The following GAPVD1 variants were observed in gnomAD, a reference collection of about 807,000 sequenced individuals.
GAPVD1 encodes the protein GTPase activating protein and VPS9 domains 1.
Under a neutral mutation model 155.5 loss-of-function variants are expected in GAPVD1, and 35 were observed. The observed-to-expected ratio is 0.23, with a 90% CI of 0.17 to 0.30. GAPVD1 has a LOEUF of 0.30. Among genes scored for constraint, GAPVD1 ranks in the 10% least tolerant of loss-of-function variants. The pLI is 1.00. For synonymous variants in GAPVD1, 636 were observed against 619.7 expected, an observed-to-expected ratio of 1.03 and a Z score of -0.39; for missense variants, 1,429 against 1,775.7, an observed-to-expected ratio of 0.80 and a Z score of 3.51.
At position 125,312,573 on chromosome 9, in the gene GAPVD1, A is replaced by C; in HGVS notation, c.1563A>C (p.Thr521=). The change falls in exon 9 of 28, where the codon ACA becomes ACC. Residue 521 remains threonine (T), a synonymous_variant. Transcript: ENST00000297933. ...PEEVLVISLG[T]GPQLTPGMMS... Reference sequence around the variant, plus strand: ...AGGTGTTGGTCATTTCCTTAGGTACAGGTCCCCAGCTTACTCCAGGGATGA... The same window carrying C: ...AGGTGTTGGTCATTTCCTTAGGTACCGGTCCCCAGCTTACTCCAGGGATGA... 1.2e-6 allele frequency: 2 copies of C among 1,602,294 alleles called. No homozygotes were observed. Among genetic ancestry groups the C allele is most frequent in the Non-Finnish European group, 1.7e-6 (2 of 1,176,808 alleles).
At chr9:125,269,945 C>T (rs1834619858) in intron 2 of GAPVD1, among the ~76,000 whole-genome samples, 1 of 151,610 alleles carries the variant, frequency 6.6e-6, no homozygotes, top group Non-Finnish European at 1.5e-5. Flanking sequence ...TCTTGAACTC[C>T]TACTCTCAAG....
intron 20 of GAPVD1, 168 bp downstream of exon 20, chr9:125,347,109 T>C (rs1331207125): frequency 1.0e-5 from 7 of 673,948 alleles, no homozygotes; most frequent in Non-Finnish European, 1.3e-5. Flanking sequence ...TTCTCTGGAT[T>C]CTCCCACTAG....
chr9:125,293,658 T>TATATATATAATATAAAAATATATATAA (rs1839013287), intron 2 of GAPVD1, among the ~76,000 whole-genome samples: 3 of 42,068 alleles, frequency 7.1e-5, no homozygotes, highest in African/African-American at 3.4e-4. Flanking sequence ...AATATATATA[T>TATATATATAATATAAAAATATATATAA]TATATATATA....
At chr9:125,348,694 T>C (rs1848879406) in intron 20 of GAPVD1, among the ~76,000 whole-genome samples, 1 of 152,264 alleles carries the variant, frequency 6.6e-6, no homozygotes, top group South Asian at 2.1e-4. Flanking sequence ...GTATTTTTCA[T>C]AGAGACAGGG....
At chr9:125,326,267 C>T (rs1478584147) in intron 11 of GAPVD1, 149 bp from the exon 12 acceptor site, 1 of 577,116 alleles carries the variant, frequency 1.7e-6, no homozygotes, top group Non-Finnish European at 3.1e-6. Context: ...CCTGTAATCC[C>T]AGCACTTTGG....
At position 125,335,492 on chromosome 9, in the gene GAPVD1, A is replaced by G. The variant is rs373882224; in HGVS notation, c.2429-1526A>G. 1.7e-3 allele frequency among the ~76,000 whole-genome samples: 259 copies of G among 152,232 alleles called. 1 individual carries two copies. The highest frequency in any genetic ancestry group is 5.8e-3 in the African/African-American group (242 of 41,540). Reference sequence around the variant, plus strand: ...GGAGATCGAGACCATCCTGGCCAACATGGTGAAACCCCATCTCTACTAAAA... The same window carrying G: ...GGAGATCGAGACCATCCTGGCCAACGTGGTGAAACCCCATCTCTACTAAAA... On this transcript the variant is annotated intron_variant, in intron 15 of 27. Transcript: ENST00000297933.
intron 8 of GAPVD1, among the ~76,000 whole-genome samples, chr9:125,311,724 CTT>C (rs71374251): frequency 4.7e-4 from 68 of 144,794 alleles, no homozygotes; most frequent in Non-Finnish European, 4.7e-4. Flanking sequence ...TTTATTGTTT[CTT>C]TTTTTTTTTT....
intron 17 of GAPVD1, 81 bp downstream of exon 17, chr9:125,337,672 A>G: frequency 7.8e-7 from 1 of 1,280,230 alleles, no homozygotes; most frequent in Non-Finnish European, 1.1e-6. Flanking sequence ...TGGAATATAT[A>G]AATCTAGGAT....
At position 125,307,602 on chromosome 9, in the gene GAPVD1, G is replaced by A. The variant is rs566540280; in HGVS notation, c.1251+55G>A. 8 of 1,574,670 alleles carry A rather than the reference G, an allele frequency of 5.1e-6. No individual in the cohort carries two copies. The African/African-American group carries it at 1.1e-4, about 21-fold the overall frequency. On this transcript the variant is annotated intron_variant, in intron 7 of 27. Coordinates refer to ENST00000297933, the MANE Select transcript of GAPVD1 (RefSeq NM_001282680.3). ...TCGAAAGTCTTTTAGCTAAGCGTGA[G>A]CAAAAACATACATGAGTACATTGTG...
intron 23 of GAPVD1, among the ~76,000 whole-genome samples, chr9:125,351,353 G>A (rs548803812): frequency 6.6e-6 from 1 of 152,188 alleles, no homozygotes; most frequent in South Asian, 2.1e-4. Flanking sequence ...ATATCTTTCT[G>A]CCCCTTGCTT....
At chr9:125,264,106 A>G in intron 1 of GAPVD1, 2 of 748,152 alleles carry the variant, frequency 2.7e-6, no homozygotes, top group Non-Finnish European at 2.4e-6. Context: ...GAACATTTGA[A>G]TCATTGAAGG....
rs376087686 is a variant in GAPVD1, at chr9:125,355,660, C to T, written c.3774C>T (p.Thr1258=). Residue 1258 remains threonine, a synonymous_variant, in exon 25 of 28, where the codon ACC becomes ACT. Coordinates refer to ENST00000297933, the MANE Select transcript of GAPVD1 (RefSeq NM_001282680.3). The part of the protein sequence containing the change: ...REFIQDFQKL[T]AADDKTAQVE... ...GCTTTGGAGACTTTCAGAAACTCAC[C>T]GCAGCTGACGATAAAACTGCTCAGG... 175 of 1,608,804 alleles carry T rather than the reference C, an allele frequency of 1.1e-4. 2 individuals carry two copies. Among genetic ancestry groups the T allele is most frequent in the South Asian group, 1.0e-3 (95 of 90,866 alleles).
intron 12 of GAPVD1, 60 bp from the exon 13 acceptor site, chr9:125,330,018 C>A (rs1845857725): frequency 2.8e-6 from 4 of 1,428,986 alleles, no homozygotes; most frequent in Non-Finnish European, 3.8e-6. Flanking sequence ...CTTTTCTCCA[C>A]TATCACTGCA....
intron 25 of GAPVD1, among the ~76,000 whole-genome samples, chr9:125,358,157 G>A (rs1277363049): frequency 7.2e-5 from 11 of 152,112 alleles, no homozygotes; most frequent in Non-Finnish European, 2.9e-5. Context: ...CCAGGCTGGA[G>A]TGCAATGGCG....
At chr9:125,334,187 T>TA (rs1846517659) in intron 15 of GAPVD1, among the ~76,000 whole-genome samples, 2 of 151,346 alleles carry the variant, frequency 1.3e-5, no homozygotes, top group South Asian at 4.1e-4. Context: ...CATTTGTACT[T>TA]ACGGTGCATA....
In GAPVD1 at chr9:125,355,870, A is replaced by G. The variant is rs750032579; in HGVS notation, c.3971+13A>G. ...TACTTCGCGACCAGTAAGTACTTCT[A>G]TGTTGAGTGCCTATGTGGAACTACA... On this transcript the variant is annotated intron_variant, in intron 25 of 27. Coordinates refer to ENST00000297933, the MANE Select transcript of GAPVD1 (RefSeq NM_001282680.3). 4.9e-6 allele frequency: 7 copies of G among 1,418,736 alleles called. No individual in the cohort carries two copies. Among genetic ancestry groups the G allele is most frequent in the South Asian group, 1.1e-5 (1 of 87,350 alleles). The allele number at this position is 1,418,736 out of a possible 1,614,324, so 87.9% of individuals were successfully genotyped here.
chr9:125,358,271 A>G (rs1220891992), intron 25 of GAPVD1, among the ~76,000 whole-genome samples: 2 of 151,960 alleles, frequency 1.3e-5, no homozygotes, highest in African/African-American at 4.8e-5. Context: ...ATGCCCAGCT[A>G]ATTTTTGTAT....
At chr9:125,299,239 G>T (rs1840376996) in intron 4 of GAPVD1, 133 bp downstream of exon 4, 1 of 525,276 alleles carries the variant, frequency 1.9e-6, no homozygotes, top group Non-Finnish European at 3.3e-6. Flanking sequence ...ATGTTAAGGT[G>T]AGTCTTTGCT....
At position 125,342,229 on chromosome 9, in the gene GAPVD1, A is replaced by G. The variant is rs761420310; in HGVS notation, c.2976A>G (p.Pro992=). The G allele has an allele frequency of 6.5e-7, 1 of 1,549,766 alleles. No homozygotes were observed. Among genetic ancestry groups the G allele is most frequent in the East Asian group, 2.2e-5 (1 of 44,616 alleles). The change falls in exon 19 of 28, where the codon CCA becomes CCG. Residue 992 remains proline (P), a synonymous_variant. Transcript: ENST00000297933. ...TTATTTAATTTCCAGCTCCTATACC[A>G]TTTAGAAAGAAAGAAAAACAAGAAA... ...FVSAMPKAPI[P]FRKKEKQEKD... is the part of the protein sequence containing the mutation.
Sources: allele counts gnomAD v4.1 joint callset (sites outside exome capture counted in the v4.1 genomes callset), GRCh38; gene constraint gnomAD v4.1.1; transcripts MANE v1.5; gene names NCBI Gene and HGNC (gene_info 2026-07-23, HGNC 2026-07-21).